The following MOB3B variants were observed in gnomAD, a reference collection of about 807,000 sequenced individuals.
MOB3B encodes MOB kinase activator-like 2B.
MOB3B carries 7 observed loss-of-function variants against 18.7 expected under a neutral mutation model. That is an observed-to-expected ratio of 0.37 (90% confidence interval 0.21 to 0.70). The LOEUF (loss-of-function observed/expected upper bound fraction) is 0.70, where lower values mean the gene tolerates loss of function less well. Ranked by LOEUF, MOB3B falls within the 30% of genes least tolerant of loss-of-function variation. MOB3B has a pLI of 0.52. For missense variants in MOB3B, 253 were observed against 281.3 expected, an observed-to-expected ratio of 0.90 and a Z score of 0.72; for synonymous variants, 111 against 99.9, an observed-to-expected ratio of 1.11 and a Z score of -0.66.
chr9:27,344,741 A>T (rs1021496019), intron 3 of MOB3B, among the ~76,000 whole-genome samples: 2 of 152,254 alleles, frequency 1.3e-5, no homozygotes, highest in Non-Finnish European at 2.9e-5. Context: ...GTCTACTTTG[A>T]TTCTTGTGTA....
At chr9:27,393,111 C>T (rs1030921166) in intron 2 of MOB3B, among the ~76,000 whole-genome samples, 1 of 152,020 alleles carries the variant, frequency 6.6e-6, no homozygotes, top group Admixed American at 6.6e-5. Flanking sequence ...TAATACCTGG[C>T]TATTACTGAC....
chr9:27,466,828 T>C (rs7027614), intron 1 of MOB3B, among the ~76,000 whole-genome samples: 125,709 of 151,972 alleles, frequency 0.83, 52,764 homozygotes, highest in African/African-American at 0.91. Flanking sequence ...GGGTCCGTCC[T>C]ACAATATGTG....
intron 2 of MOB3B, among the ~76,000 whole-genome samples, chr9:27,428,599 T>C (rs925809752): frequency 6.6e-6 from 1 of 152,218 alleles, no homozygotes; most frequent in African/African-American, 2.4e-5. Flanking sequence ...GTCCAAAGCC[T>C]AAACAGAAGG....
At chr9:27,522,242 C>CAAAAAAAAAAAAAAAAAAAAAAAAAAAA (rs1171362204) in intron 1 of MOB3B, among the ~76,000 whole-genome samples, 1 of 56,046 alleles carries the variant, frequency 1.8e-5, no homozygotes, top group Non-Finnish European at 2.9e-5. Context: ...CCCCGTCTCA[C>CAAAAAAAAAAAAAAAAAAAAAAAAAAAA]AAAAAAAAAA....
intron 1 of MOB3B, among the ~76,000 whole-genome samples, chr9:27,518,368 G>C (rs955220478): frequency 6.6e-6 from 1 of 152,168 alleles, no homozygotes; most frequent in Admixed American, 6.6e-5. Context: ...TATTCTGGTA[G>C]GTGACATCCA....
intron 1 of MOB3B, among the ~76,000 whole-genome samples, chr9:27,518,511 CAG>C (rs951268530): frequency 1.3e-5 from 2 of 152,208 alleles, no homozygotes; most frequent in African/African-American, 2.4e-5. Context: ...CATCCTAAAA[CAG>C]AGAGTAGGTT....
At chr9:27,380,423 G>A (rs949389471) in intron 2 of MOB3B, among the ~76,000 whole-genome samples, 5 of 151,944 alleles carry the variant, frequency 3.3e-5, no homozygotes, top group African/African-American at 9.7e-5. Flanking sequence ...ATTTTTAGTA[G>A]AGACAGGTTT....
intron 1 of MOB3B, among the ~76,000 whole-genome samples, chr9:27,464,246 G>A (rs1197207836): frequency 6.6e-6 from 1 of 152,138 alleles, no homozygotes; most frequent in Non-Finnish European, 1.5e-5. Context: ...GGCAATGGAA[G>A]CCCTGCATAG....
chr9:27,471,218 C>T (rs1446262617), intron 1 of MOB3B, among the ~76,000 whole-genome samples: 1 of 152,208 alleles, frequency 6.6e-6, no homozygotes, highest in Non-Finnish European at 1.5e-5. Context: ...CATGCCTGGC[C>T]TGGCATATCC....
chr9:27,481,511 G>GTT (rs536716885), intron 1 of MOB3B, among the ~76,000 whole-genome samples: 4,689 of 69,574 alleles, frequency 0.067, 368 homozygotes, highest in East Asian at 0.4. Flanking sequence ...TTTTTTTTTT[G>GTT]TTTTTTTTGT....
chr9:27,381,552 G>A (rs1821577706), intron 2 of MOB3B, among the ~76,000 whole-genome samples: 1 of 152,130 alleles, frequency 6.6e-6, no homozygotes, highest in African/African-American at 2.4e-5. Context: ...TGGGTGTAAC[G>A]GCAACACCAG....
At chr9:27,430,780 T>C (rs1441032918) in intron 2 of MOB3B, among the ~76,000 whole-genome samples, 1 of 152,178 alleles carries the variant, frequency 6.6e-6, no homozygotes, top group African/African-American at 2.4e-5. Flanking sequence ...TTATTGGTGG[T>C]TATTTTAAAG....
chr9:27,368,648 C>T (rs750551484), intron 2 of MOB3B, among the ~76,000 whole-genome samples: 2 of 152,196 alleles, frequency 1.3e-5, no homozygotes, highest in South Asian at 4.1e-4. Context: ...TGTTTTCCAA[C>T]TCCCTCCCTC....
At chr9:27,410,370 G>A (rs940144368) in intron 2 of MOB3B, among the ~76,000 whole-genome samples, 1 of 152,292 alleles carries the variant, frequency 6.6e-6, no homozygotes, top group East Asian at 1.9e-4. Flanking sequence ...GTCTGATGAA[G>A]ATGATGGCAT....
At chr9:27,478,390 G>T (rs142823614) in intron 1 of MOB3B, among the ~76,000 whole-genome samples, 2 of 151,986 alleles carry the variant, frequency 1.3e-5, no homozygotes, top group African/African-American at 2.4e-5. Context: ...AGCTAATTAC[G>T]TTTAAAAGTT....
At chr9:27,464,042 GAT>G (rs975514620) in intron 1 of MOB3B, among the ~76,000 whole-genome samples, 1 of 152,186 alleles carries the variant, frequency 6.6e-6, no homozygotes, top group Admixed American at 6.5e-5. Context: ...AATTAGAAGA[GAT>G]ATTGCCAGTG....
chr9:27,481,833 G>A (rs146083916), intron 1 of MOB3B, among the ~76,000 whole-genome samples: 1 of 152,198 alleles, frequency 6.6e-6, no homozygotes, highest in East Asian at 1.9e-4. Flanking sequence ...CCTAAGGAAG[G>A]TAGTTCTTAC....
intron 2 of MOB3B, among the ~76,000 whole-genome samples, chr9:27,430,810 C>A (rs371961329): frequency 2.0e-5 from 3 of 151,782 alleles, no homozygotes; most frequent in Non-Finnish European, 4.4e-5. Context: ...TGAAAGTAGG[C>A]GCAACAACTC....
At chr9:27,377,587 G>T (rs1821507301) in intron 2 of MOB3B, among the ~76,000 whole-genome samples, 2 of 152,208 alleles carry the variant, frequency 1.3e-5, no homozygotes, top group Non-Finnish European at 2.9e-5. Context: ...CAGAGTTTCA[G>T]TGAGTCTGGG....
Sources: gnomAD v4.1 joint callset for allele counts (sites outside exome capture counted in the v4.1 genomes callset) on GRCh38, gnomAD v4.1.1 for gene constraint, MANE v1.5 for transcripts, NCBI Gene and HGNC (gene_info 2026-07-23, HGNC 2026-07-21) for gene names.